GALNT18: variants seen among roughly 807,000 people sequenced by gnomAD.
GALNT18 encodes the protein GalNAc-transferase 18.
GALNT18 carries 44 observed loss-of-function variants against 69.5 expected under a neutral mutation model. The ratio of observed to expected loss-of-function variants is 0.63; its 90% CI spans 0.50 to 0.81. The LOEUF (loss-of-function observed/expected upper bound fraction) is 0.81. Among genes scored for constraint, GALNT18 ranks in the 40% least tolerant of loss-of-function variants. GALNT18 has a pLI of 0.00. For synonymous variants in GALNT18, 364 were observed against 318.2 expected, an observed-to-expected ratio of 1.14 and a Z score of -1.53; for missense variants, 715 against 810.0, an observed-to-expected ratio of 0.88 and a Z score of 1.42.
intron 3 of GALNT18, among the ~76,000 whole-genome samples, chr11:11,394,029 A>G (rs1854259880): frequency 3.3e-5 from 5 of 152,160 alleles, no homozygotes. Context: ...GTCAGTATCC[A>G]CCTCTTAAGA....
In GALNT18 at chr11:11,497,365, CA is replaced by C. The variant is rs1564979405; in HGVS notation, c.236-48430del. On this transcript the variant is annotated intron_variant, in intron 1 of 10. Transcript: ENST00000227756. The surrounding 1 kb of genome is among the most constrained non-coding windows in gnomAD (Gnocchi z 4.2). ...ACACACACACACACACACACACACA[CA>C]CACACCCCTTAGAATGGGGCTCCTT... Among the ~76,000 whole-genome samples the C allele has an allele frequency of 0.016, 2,471 of 150,328 alleles. 69 individuals are homozygous for C. The highest frequency in any genetic ancestry group is 0.054 in the African/African-American group (2,213 of 40,862).
chr11:11,287,628 A>G (rs1413879756), intron 10 of GALNT18, among the ~76,000 whole-genome samples: 1 of 152,210 alleles, frequency 6.6e-6, no homozygotes, highest in Non-Finnish European at 1.5e-5. Context: ...TGAAAGACAT[A>G]TACTTAATGC....
rs982204519 is a variant in GALNT18, at chr11:11,591,959, A to T, written c.235+29400T>A. ...ACACATGCTGACTGAGTGACCTCAG[A>T]TACATGATTTAATGTTTCTGTGCCT... On this transcript the variant is annotated intron_variant, in intron 1 of 10. Coordinates refer to ENST00000227756, the MANE Select transcript of GALNT18 (RefSeq NM_198516.3). This position sits in a 1 kb window ranked among gnomAD's most constrained non-coding sequence, Gnocchi z 4.8. Among the ~76,000 whole-genome samples, 1 of 152,228 alleles carries T rather than the reference A, an allele frequency of 6.6e-6. No individual in the cohort carries two copies. The highest frequency in any genetic ancestry group is 2.4e-5 in the African/African-American group (1 of 41,466).
intron 1 of GALNT18, among the ~76,000 whole-genome samples, chr11:11,512,983 G>T (rs1428358307): frequency 6.6e-6 from 1 of 152,232 alleles, no homozygotes; most frequent in Non-Finnish European, 1.5e-5. Context: ...CATGAAAACA[G>T]AAAAGGCACT....
At chr11:11,501,816 C>T (rs941463505) in intron 1 of GALNT18, among the ~76,000 whole-genome samples, 4 of 152,302 alleles carry the variant, frequency 2.6e-5, no homozygotes, top group South Asian at 2.1e-4. Flanking sequence ...TGCGAAGATG[C>T]CTGTCCTTTT....
intron 6 of GALNT18, among the ~76,000 whole-genome samples, chr11:11,349,032 A>G (rs1850353035): frequency 6.6e-6 from 1 of 152,188 alleles, no homozygotes; most frequent in South Asian, 2.1e-4. Flanking sequence ...AATTTTTTTA[A>G]TAATTTCCTT....
At chr11:11,464,100 A>C (rs1292794723) in intron 1 of GALNT18, among the ~76,000 whole-genome samples, 1 of 152,192 alleles carries the variant, frequency 6.6e-6, no homozygotes, top group African/African-American at 2.4e-5. Flanking sequence ...AAGCTTATCT[A>C]TCTCTGTCAG....
chr11:11,274,114 C>A (rs562506295), intron 10 of GALNT18, among the ~76,000 whole-genome samples: 1 of 152,274 alleles, frequency 6.6e-6, no homozygotes, highest in Non-Finnish European at 1.5e-5. Context: ...CCAAGGAAAG[C>A]TGTGAGAGAG....
At chr11:11,520,721 G>A (rs897120862) in intron 1 of GALNT18, among the ~76,000 whole-genome samples, 7 of 152,174 alleles carry the variant, frequency 4.6e-5, no homozygotes, top group Non-Finnish European at 8.8e-5. Flanking sequence ...ACGATGGGAG[G>A]GTTAAAGATG....
rs994817043 is a variant in GALNT18 at position 11,396,701 on chromosome 11, C to T, written c.596-17437G>A. 6.6e-6 allele frequency among the ~76,000 whole-genome samples: 1 copy of T among 152,010 alleles called. No homozygotes were observed. The highest frequency in any genetic ancestry group is 1.5e-5 in the Non-Finnish European group (1 of 68,020). On this transcript the variant is annotated intron_variant, in intron 3 of 10. Coordinates refer to ENST00000227756, the MANE Select transcript of GALNT18 (RefSeq NM_198516.3). This position sits in a 1 kb window ranked among gnomAD's most constrained non-coding sequence, Gnocchi z 5.2. ...TAAGGGTGAAAGTGTTTGGTGAGGTCAAAAGGGAAGAAGAACAGAGGTGAG... is the reference window on the plus strand; with the variant it reads ...TAAGGGTGAAAGTGTTTGGTGAGGTTAAAAGGGAAGAAGAACAGAGGTGAG...
Position 11,271,309 on chromosome 11 carries a change from A to C in GALNT18, c.1678-19T>G. On this transcript the variant is annotated intron_variant, in intron 10 of 10. Coordinates refer to ENST00000227756, the MANE Select transcript of GALNT18 (RefSeq NM_198516.3). ...GTCCTCCCTAGGGGCCAGGGCAGAC[A>C]GTGGGGTCAGAGGGCATAGAGGCAA... is the stretch of plus-strand genomic sequence containing the variant. 1 of 1,610,610 alleles carries C rather than the reference A, an allele frequency of 6.2e-7. No homozygotes were observed. Among genetic ancestry groups the C allele is most frequent in the Non-Finnish European group, 8.5e-7 (1 of 1,177,172 alleles).
At chr11:11,271,323 G>A in intron 10 of GALNT18, 33 bp from the exon 11 acceptor site, 5 of 1,596,608 alleles carry the variant, frequency 3.1e-6, no homozygotes, top group South Asian at 2.2e-5. Flanking sequence ...GGGTCAGAGG[G>A]CATAGAGGCA....
chr11:11,275,715 T>C (rs1379943506), intron 10 of GALNT18, among the ~76,000 whole-genome samples: 1 of 152,234 alleles, frequency 6.6e-6, no homozygotes, highest in East Asian at 1.9e-4. Context: ...TTGTAGAAGA[T>C]GTAAGGAAGG....
chr11:11,535,441 T>C (rs73407869), intron 1 of GALNT18, among the ~76,000 whole-genome samples: 8,004 of 152,310 alleles, frequency 0.053, 743 homozygotes, highest in African/African-American at 0.18. Context: ...CATAGCAAAG[T>C]AATAGATGCA....
intron 1 of GALNT18, among the ~76,000 whole-genome samples, chr11:11,531,444 G>A (rs190476824): frequency 6.6e-6 from 1 of 152,182 alleles, no homozygotes; most frequent in Non-Finnish European, 1.5e-5. Context: ...AAGTGTATGC[G>A]AGTGCATACG....
chr11:11,621,780 G>C lies in GALNT18; in HGVS notation c.-187C>G. On this transcript the variant is annotated 5_prime_UTR_variant, in exon 1 of 11. Coordinates refer to ENST00000227756, the MANE Select transcript of GALNT18 (RefSeq NM_198516.3). This position sits in a 1 kb window ranked among gnomAD's most constrained non-coding sequence, Gnocchi z 9.3. ...CGTGCCCAAGTTTGCAGCTCCTGCC[G>C]CTGGCCACCCGGAGAGACCTTGACA... 1 of 597,230 alleles carries C rather than the reference G, an allele frequency of 1.7e-6. No individual in the cohort carries two copies. The highest frequency in any genetic ancestry group is 3.0e-6 in the Non-Finnish European group (1 of 336,170). The allele number at this position is 597,230 out of a possible 1,614,324, so 37.0% of individuals were successfully genotyped here. A position where few individuals can be genotyped will look rare whatever the true frequency, so the allele number is the denominator to read the frequency against.
chr11:11,453,651 A>C (rs1021966803), intron 1 of GALNT18, among the ~76,000 whole-genome samples: 1 of 152,108 alleles, frequency 6.6e-6, no homozygotes, highest in African/African-American at 2.4e-5. Context: ...TCATGGGGGC[A>C]AGTCTTTCCC....
At chr11:11,275,629 C>T (rs1380108198) in intron 10 of GALNT18, among the ~76,000 whole-genome samples, 1 of 152,134 alleles carries the variant, frequency 6.6e-6, no homozygotes, top group East Asian at 1.9e-4. Flanking sequence ...CCGAATGGTA[C>T]TGCCCAGGTT....
chr11:11,497,234 C>T lies in GALNT18; in HGVS notation c.236-48298G>A, dbSNP rs772682874. Among the ~76,000 whole-genome samples, 1 of 151,276 alleles carries T rather than the reference C, an allele frequency of 6.6e-6. No individual in the cohort carries two copies. Among genetic ancestry groups the T allele is most frequent in the Admixed American group, 6.6e-5 (1 of 15,078 alleles). On this transcript the variant is annotated intron_variant, in intron 1 of 10. Transcript: ENST00000227756. The surrounding 1 kb of genome is among the most constrained non-coding windows in gnomAD (Gnocchi z 4.2). The stretch of plus-strand genomic sequence containing the variant: ...CACCCTCAACTGACCCTTGTCAGTC[C>T]CTCTACCAAAGCCTTGTGTCCTGTT...
Sources: allele counts gnomAD v4.1 joint callset (sites outside exome capture counted in the v4.1 genomes callset), GRCh38; gene constraint gnomAD v4.1.1; non-coding constraint Gnocchi (gnomAD v3.1); transcripts MANE v1.5; gene names NCBI Gene and HGNC (gene_info 2026-07-23, HGNC 2026-07-21).